DEAF1: variants seen among roughly 807,000 people sequenced by gnomAD.
The protein encoded by DEAF1 is DEAF1 transcription factor, also known as deformed epidermal autoregulatory factor 1 homolog.
In DEAF1, 53 loss-of-function variants were observed where a neutral mutation model predicts 58.9. The observed-to-expected ratio is 0.90, with a 90% CI of 0.72 to 1.13. The LOEUF is 1.13. Ranked by LOEUF, DEAF1 falls within the 50% of genes most tolerant of loss-of-function variation. The probability of loss-of-function intolerance (pLI) is 0.00; values close to 1 mark genes in which losing one functional copy is unlikely to be tolerated. For synonymous variants in DEAF1, 385 were observed against 340.4 expected, an observed-to-expected ratio of 1.13 and a Z score of -1.44; for missense variants, 685 against 791.4, an observed-to-expected ratio of 0.87 and a Z score of 1.61.
chr11:645,464 A>ATG, intron 11 of DEAF1, among the ~76,000 whole-genome samples: 1 of 151,980 alleles, frequency 6.6e-6, no homozygotes, highest in South Asian at 2.1e-4. Context: ...TTACAGGTGC[A>ATG]CGCCACCACA....
chr11:695,869 C>A (rs541024104), upstream of DEAF1: 235 of 1,225,726 alleles, frequency 1.9e-4, 6 homozygotes, highest in South Asian at 8.4e-3. Context: ...GGGGTGGGGG[C>A]TTCCGGGCTT....
chr11:686,209 C>T (rs991149615), intron 5 of DEAF1, among the ~76,000 whole-genome samples: 1 of 148,578 alleles, frequency 6.7e-6, no homozygotes, highest in Non-Finnish European at 1.5e-5. Flanking sequence ...GGACAATCCT[C>T]TGAGCCTGGG....
intron 10 of DEAF1, 132 bp from the exon 11 acceptor site, chr11:654,183 TTTTGA>T: frequency 1.4e-6 from 1 of 711,906 alleles, no homozygotes; most frequent in Non-Finnish European, 2.4e-6. Flanking sequence ...TTTTTTTTTT[TTTTGA>T]GATGGAGTCT....
intron 11 of DEAF1, among the ~76,000 whole-genome samples, chr11:649,736 C>T (rs1210495900): frequency 6.6e-6 from 1 of 150,490 alleles, no homozygotes; most frequent in Non-Finnish European, 1.5e-5. Context: ...AAAAACAAAA[C>T]AGGCCGAGTT....
At chr11:695,397 C>T (rs1861081001), upstream of DEAF1, 2 of 419,712 alleles carry the variant, frequency 4.8e-6, no homozygotes, top group Non-Finnish European at 8.3e-6. Flanking sequence ...AGAGACTCGG[C>T]CCCTGCTCTC....
chr11:680,842 C>T, intron 7 of DEAF1, 121 bp downstream of exon 7: 2 of 1,446,964 alleles, frequency 1.4e-6, no homozygotes, highest in Non-Finnish European at 1.9e-6. Context: ...GTTGGAATCC[C>T]TCTGGCCACG....
upstream of DEAF1, chr11:699,009 G>T (rs1265414308): frequency 1.7e-5 from 21 of 1,203,128 alleles, no homozygotes; most frequent in South Asian, 1.6e-4. Context: ...ACTTTGGAGA[G>T]GGGGGTGTTC....
chr11:694,985 GGCC>G lies in DEAF1; in HGVS notation c.60_62del (p.Ala24del), dbSNP rs944520391. On this transcript the variant is annotated inframe_deletion, in exon 1 of 12. Coordinates refer to ENST00000382409, the MANE Select transcript of DEAF1 (RefSeq NM_021008.4). ...CGGCCGCCGCCGCCACAGCGGCCGCGGCCGCCACCGCCGCCGCCTCAGCCAGGC... is the reference window on the plus strand; with the variant it reads ...CGGCCGCCGCCGCCACAGCGGCCGCGGCCACCGCCGCCGCCTCAGCCAGGC... 1 of 1,144,996 alleles carries G rather than the reference GGCC, an allele frequency of 8.7e-7. No individual in the cohort carries two copies. The highest frequency in any genetic ancestry group is 1.1e-6 in the Non-Finnish European group (1 of 932,086). The allele number at this position is 1,144,996 out of a possible 1,614,324, so 70.9% of individuals were successfully genotyped here.
chr11:674,398 C>T, intron 10 of DEAF1, 138 bp downstream of exon 10: 1 of 1,198,296 alleles, frequency 8.3e-7, no homozygotes, highest in South Asian at 1.2e-5. Context: ...GTAAATGACT[C>T]TCCACAGCTC....
chr11:689,595 A>G (rs1466837427), intron 2 of DEAF1: 2 of 152,048 alleles, frequency 1.3e-5, no homozygotes, highest in African/African-American at 4.8e-5. Flanking sequence ...GGGACCCCCA[A>G]CACACATGCC....
At chr11:702,832 G>A in intron 1 of DEAF1, 1 of 1,042,060 alleles carries the variant, frequency 9.6e-7, no homozygotes, top group Non-Finnish European at 1.4e-6. Context: ...AGGCCCCGGA[G>A]GAACGTAGGG....
chr11:691,528 G>A lies in DEAF1; in HGVS notation c.360C>T (p.Asn120=), dbSNP rs769120267. The change falls in exon 2 of 12, where the codon AAC becomes AAT. Residue 120 remains asparagine (N), a synonymous_variant. Coordinates refer to ENST00000382409, the MANE Select transcript of DEAF1 (RefSeq NM_021008.4). Reference sequence around the variant, plus strand: ...GAACATGTCCTGAGATGGATGCCGCGTTCGCCACAGACGTGGTGAAGACAT... The same window carrying A: ...GAACATGTCCTGAGATGGATGCCGCATTCGCCACAGACGTGGTGAAGACAT... The part of the protein sequence containing the change: ...ADNVFTTSVA[N]AASISGHVLS... 1.1e-5 allele frequency: 18 copies of A among 1,613,260 alleles called. No homozygotes were observed. Among genetic ancestry groups the A allele is most frequent in the African/African-American group, 4.0e-5 (3 of 74,924 alleles).
intron 1 of DEAF1, chr11:702,965 G>A: frequency 1.2e-6 from 2 of 1,609,628 alleles, no homozygotes; most frequent in South Asian, 2.2e-5. Context: ...CAACCTGACA[G>A]AGGCTGAGAG....
rs368431618 is a variant in DEAF1 at position 703,043 on chromosome 11, C to T, written c.-438+3529G>A. The T allele has an allele frequency of 6.8e-6, 11 of 1,612,768 alleles. No individual in the cohort carries two copies. The East Asian group carries it at 2.5e-4, about 36-fold the overall frequency. On this transcript the variant is annotated intron_variant, in intron 1 of 11. Transcript: ENST00000683307. Reference sequence around the variant, plus strand: ...CCTCTCTGCCCACTTCCTGCTTTGGCAGGCCCTAGTGTTGTGGGCGGACTG... The same window carrying T: ...CCTCTCTGCCCACTTCCTGCTTTGGTAGGCCCTAGTGTTGTGGGCGGACTG...
chr11:681,058 T>C lies in DEAF1; in HGVS notation c.902A>G (p.Lys301Arg). 6.2e-7 allele frequency: 1 copy of C among 1,614,086 alleles called. No individual in the cohort carries two copies. The highest frequency in any genetic ancestry group is 8.5e-7 in the Non-Finnish European group (1 of 1,180,006). ...SGPVRLFVPY[K>R]RRKKENELPT... ...CAGTTCATTCTCCTTCTTGCGCCTT[T>C]TGTAAGGCACAAAAAGCCTGACTGG... The change falls in exon 7 of 12, where the codon AAA (lysine) becomes AGA (arginine). Residue 301 changes from lysine (K) to arginine (R), a missense_variant. Lys to Arg is a conservative substitution (Grantham distance 26, BLOSUM62 2). Transcript: ENST00000382409.
intron 11 of DEAF1, among the ~76,000 whole-genome samples, chr11:653,368 C>T (rs10902184): frequency 8.0e-6 from 1 of 125,762 alleles, no homozygotes; most frequent in Non-Finnish European, 1.6e-5. Context: ...ACTGTGGACG[C>T]TCTCTCTCGC....
In DEAF1 at chr11:695,057, G is replaced by C. The variant is rs1861061154; in HGVS notation, c.-10C>G. The C allele has an allele frequency of 7.0e-7, 1 of 1,423,416 alleles. No individual in the cohort carries two copies. Among genetic ancestry groups the C allele is most frequent in the Non-Finnish European group, 9.2e-7 (1 of 1,087,254 alleles). 88.2% of individuals were successfully genotyped at this position (1,423,416 alleles called of 1,614,324 possible). On this transcript the variant is annotated 5_prime_UTR_variant, in exon 1 of 12. Transcript: ENST00000382409. The stretch of plus-strand genomic sequence containing the variant: ...AGTCCGAGTCCTCCATCCGGACTCC[G>C]CCGAGCCTTCCCGAAGGCGCCGTCC...
At chr11:702,031 G>A (rs886446509) in intron 1 of DEAF1, among the ~76,000 whole-genome samples, 5 of 152,166 alleles carry the variant, frequency 3.3e-5, no homozygotes, top group African/African-American at 4.8e-5. Flanking sequence ...CTTCCAGGGC[G>A]CTGTGCCCCT....
chr11:694,702 C>G lies in DEAF1; in HGVS notation c.289+57G>C. On this transcript the variant is annotated intron_variant, in intron 1 of 11. Transcript: ENST00000382409. ...ACCTGGGACAGTTGTGCGGGGCAGG[C>G]GCGCGGGGTAGGCGCGCGGGAACCG... is the stretch of plus-strand genomic sequence containing the variant. 3 of 1,267,938 alleles carry G rather than the reference C, an allele frequency of 2.4e-6. No individual in the cohort carries two copies. The African/African-American group carries it at 4.7e-5, about 20-fold the overall frequency. The allele number at this position is 1,267,938 out of a possible 1,614,324, so 78.5% of individuals were successfully genotyped here. A position where few individuals can be genotyped will look rare whatever the true frequency, so the allele number is the denominator to read the frequency against.
Sources: allele counts gnomAD v4.1 joint callset (sites outside exome capture counted in the v4.1 genomes callset), GRCh38; gene constraint gnomAD v4.1.1; transcripts MANE v1.5; gene names NCBI Gene and HGNC (gene_info 2026-07-23, HGNC 2026-07-21).